FBXL7: variants seen among roughly 807,000 people sequenced by gnomAD.
FBXL7 encodes the protein F-box and leucine rich repeat protein 7, also known as F-box/LRR-repeat protein 7.
A neutral mutation model predicts 38.3 loss-of-function variants in FBXL7; 12 were observed. The ratio of observed to expected loss-of-function variants is 0.31; its 90% CI spans 0.20 to 0.51. The LOEUF is 0.51. Ranked by LOEUF, FBXL7 falls within the 20% of genes least tolerant of loss-of-function variation. The pLI is 0.98. For missense variants in FBXL7, 567 were observed against 676.4 expected, an observed-to-expected ratio of 0.84 and a Z score of 1.79; for synonymous variants, 297 against 300.9, an observed-to-expected ratio of 0.99 and a Z score of 0.13.
At chr5:15,889,077 A>G (rs182616078) in intron 2 of FBXL7, among the ~76,000 whole-genome samples, 43 of 152,232 alleles carry the variant, frequency 2.8e-4, no homozygotes, top group African/African-American at 9.4e-4. Context: ...CAGACAAACA[A>G]GCAGAAAAAA....
intron 2 of FBXL7, among the ~76,000 whole-genome samples, chr5:15,665,569 G>T (rs889191979): frequency 2.6e-5 from 4 of 152,122 alleles, no homozygotes; most frequent in South Asian, 4.1e-4. Flanking sequence ...ACCCTAAATT[G>T]TTATGACTTT....
chr5:15,655,171 C>G (rs2126575873), intron 2 of FBXL7, among the ~76,000 whole-genome samples: 1 of 152,316 alleles, frequency 6.6e-6, no homozygotes, highest in Admixed American at 6.5e-5. Context: ...AAAGGTTACA[C>G]TTCTTTCTGT....
At chr5:15,897,168 CAT>C (rs1000357081) in intron 2 of FBXL7, among the ~76,000 whole-genome samples, 3 of 151,890 alleles carry the variant, frequency 2.0e-5, no homozygotes, top group Non-Finnish European at 4.4e-5. Context: ...TTTTCATAAA[CAT>C]AGTTTTTCCT....
intron 2 of FBXL7, among the ~76,000 whole-genome samples, chr5:15,645,277 G>T (rs1741494687): frequency 6.6e-6 from 1 of 152,142 alleles, no homozygotes; most frequent in African/African-American, 2.4e-5. Flanking sequence ...GCTGGGAACT[G>T]CTTAGGGCCA....
chr5:15,517,019 A>T (rs865854447), intron 1 of FBXL7, among the ~76,000 whole-genome samples: 7 of 151,504 alleles, frequency 4.6e-5, no homozygotes, highest in Middle Eastern at 6.8e-3. Context: ...TTTTATTTTT[A>T]TTTTTATTTT....
At chr5:15,665,252 G>T (rs915776881) in intron 2 of FBXL7, among the ~76,000 whole-genome samples, 25 of 152,158 alleles carry the variant, frequency 1.6e-4, no homozygotes, top group Non-Finnish European at 2.5e-4. Flanking sequence ...GCCCCTGGGG[G>T]AGGCCAGTGA....
intron 2 of FBXL7, among the ~76,000 whole-genome samples, chr5:15,664,546 A>G (rs975600800): frequency 1.6e-5 from 2 of 122,512 alleles, no homozygotes; most frequent in Non-Finnish European, 3.1e-5. Context: ...ATTTTGGCTT[A>G]CTGCAACCTC....
chr5:15,576,650 C>G (rs1009971052), intron 1 of FBXL7, among the ~76,000 whole-genome samples: 1 of 152,058 alleles, frequency 6.6e-6, no homozygotes, highest in Non-Finnish European at 1.5e-5. Context: ...AACTTAATGG[C>G]TGGTGTGGAT....
At chr5:15,774,975 T>C (rs1736822461) in intron 2 of FBXL7, among the ~76,000 whole-genome samples, 1 of 152,188 alleles carries the variant, frequency 6.6e-6, no homozygotes, top group Admixed American at 6.5e-5. Context: ...TGCCTGAGCA[T>C]TAAATGGATA....
In FBXL7 at chr5:15,651,614, A is replaced by G. The variant is rs1741712326; in HGVS notation, c.127+35542A>G. On this transcript the variant is annotated intron_variant, in intron 2 of 3. Coordinates refer to ENST00000504595, the MANE Select transcript of FBXL7 (RefSeq NM_012304.5). ...CAACAATGGGGTTAAAATATTCAGT[A>G]AACTATACTAAACAGATGTGCCGTT... Among the ~76,000 whole-genome samples the G allele has an allele frequency of 3.3e-5, 5 of 152,330 alleles. No individual in the cohort carries two copies. In the South Asian group the frequency reaches 1.0e-3, roughly 32 times the overall value.
At chr5:15,814,171 C>A (rs1737944230) in intron 2 of FBXL7, among the ~76,000 whole-genome samples, 1 of 152,122 alleles carries the variant, frequency 6.6e-6, no homozygotes, top group African/African-American at 2.4e-5. Flanking sequence ...CGACTTGGAA[C>A]CAACCCAAAT....
At chr5:15,782,105 G>T (rs1268617329) in intron 2 of FBXL7, among the ~76,000 whole-genome samples, 2 of 152,048 alleles carry the variant, frequency 1.3e-5, no homozygotes, top group Non-Finnish European at 2.9e-5. Flanking sequence ...TCCTTTGTTA[G>T]TTTGCTGAGA....
chr5:15,894,647 C>T (rs1040928305), intron 2 of FBXL7, among the ~76,000 whole-genome samples: 10 of 152,120 alleles, frequency 6.6e-5, no homozygotes, highest in Non-Finnish European at 1.2e-4. Context: ...TAAAAGATTC[C>T]TTCTAAGGAG....
intron 2 of FBXL7, among the ~76,000 whole-genome samples, chr5:15,836,112 A>G (rs1738584848): frequency 6.6e-6 from 1 of 152,186 alleles, no homozygotes; most frequent in South Asian, 2.1e-4. Context: ...GTCAGGGTAA[A>G]CAAAATTCAG....
chr5:15,668,353 C>G (rs561179468), intron 2 of FBXL7, among the ~76,000 whole-genome samples: 44 of 149,902 alleles, frequency 2.9e-4, no homozygotes, highest in Admixed American at 1.1e-3. Flanking sequence ...TCCTCCTACT[C>G]CTTTATATTT....
intron 2 of FBXL7, among the ~76,000 whole-genome samples, chr5:15,769,685 A>G (rs2126709095): frequency 6.6e-6 from 1 of 152,208 alleles, no homozygotes; most frequent in Non-Finnish European, 1.5e-5. Flanking sequence ...GAAGAGGTGA[A>G]GCAGATATGA....
At chr5:15,579,830 C>T (rs1007966186) in intron 1 of FBXL7, among the ~76,000 whole-genome samples, 2 of 152,088 alleles carry the variant, frequency 1.3e-5, no homozygotes, top group African/African-American at 4.8e-5. Context: ...TCTGTGTGGT[C>T]TTTCTGCATG....
chr5:15,730,270 A>T (rs12189359), intron 2 of FBXL7, among the ~76,000 whole-genome samples: 1 of 152,122 alleles, frequency 6.6e-6, no homozygotes, highest in Non-Finnish European at 1.5e-5. Context: ...AGGTACTGTA[A>T]ATCTCATAAC....
intron 1 of FBXL7, among the ~76,000 whole-genome samples, chr5:15,547,418 G>C (rs1446067892): frequency 6.6e-6 from 1 of 152,230 alleles, no homozygotes; most frequent in South Asian, 2.1e-4. Context: ...GTGTGCAGCA[G>C]TGCAAGGTGT....
Sources: gnomAD v4.1 joint callset for allele counts (sites outside exome capture counted in the v4.1 genomes callset) on GRCh38, gnomAD v4.1.1 for gene constraint, MANE v1.5 for transcripts, NCBI Gene and HGNC (gene_info 2026-07-23, HGNC 2026-07-21) for gene names.